SIM2: variants seen among roughly 807,000 people sequenced by gnomAD.
The protein encoded by SIM2 is SIM bHLH transcription factor 2, also known as single-minded homolog 2.
Under a neutral mutation model 64.8 loss-of-function variants are expected in SIM2, and 28 were observed. The observed-to-expected ratio is 0.43, with a 90% CI of 0.32 to 0.59. The LOEUF (loss-of-function observed/expected upper bound fraction) is 0.59. SIM2 is among the 20% of genes least tolerant of loss of function. The pLI is 0.07. For synonymous variants in SIM2, 408 were observed against 391.1 expected, an observed-to-expected ratio of 1.04 and a Z score of -0.51; for missense variants, 847 against 871.4, an observed-to-expected ratio of 0.97 and a Z score of 0.35.
intron 3 of SIM2, among the ~76,000 whole-genome samples, chr21:36,713,986 T>C (rs1179873682): frequency 6.6e-6 from 1 of 152,290 alleles, no homozygotes; most frequent in East Asian, 1.9e-4. Context: ...ATTAGTGTAC[T>C]TGTAGAATGG....
intron 8 of SIM2, 73 bp from the exon 9 acceptor site, chr21:36,743,314 A>G: frequency 7.2e-7 from 1 of 1,390,824 alleles, no homozygotes; most frequent in Non-Finnish European, 9.9e-7. Flanking sequence ...GCCCTGCCCA[A>G]GGGCTGGGGC....
Position 36,699,973 on chromosome 21 carries a change from C to G in SIM2, c.175+52C>G, listed in dbSNP as rs558849249. The G allele has an allele frequency of 6.7e-5, 101 of 1,514,162 alleles. 2 individuals carry two copies. The African/African-American group carries it at 1.2e-3, about 18-fold the overall frequency. The allele number at this position is 1,514,162 out of a possible 1,614,324, so 93.8% of individuals were successfully genotyped here. ...ACGCTGGGGAGCCCGGCGGCCCCGG[C>G]CCAGGCGGGAAGCGCAAGCCAGCCC... On this transcript the variant is annotated intron_variant, in intron 1 of 10. Transcript: ENST00000290399. This position sits in a 1 kb window ranked among gnomAD's most constrained non-coding sequence, Gnocchi z 5.6.
chr21:36,738,100 A>G (rs1263282979), intron 7 of SIM2, among the ~76,000 whole-genome samples: 3 of 151,980 alleles, frequency 2.0e-5, no homozygotes, highest in Non-Finnish European at 2.9e-5. Context: ...ATGGATCCTC[A>G]GTCTGAGCCT....
chr21:36,741,996 T>C, intron 8 of SIM2, 132 bp downstream of exon 8: 2 of 1,062,052 alleles, frequency 1.9e-6, no homozygotes, highest in Non-Finnish European at 2.6e-6. Context: ...TTTTTCTTTT[T>C]TTTAATTTTT....
chr21:36,706,595 G>C (rs974960128), intron 1 of SIM2, among the ~76,000 whole-genome samples: 2 of 152,250 alleles, frequency 1.3e-5, no homozygotes, highest in African/African-American at 4.8e-5. Context: ...TCACTTTACA[G>C]TATCAAGACA....
At chr21:36,732,761 G>T (rs926059876) in intron 7 of SIM2, among the ~76,000 whole-genome samples, 1 of 152,212 alleles carries the variant, frequency 6.6e-6, no homozygotes, top group Non-Finnish European at 1.5e-5. Context: ...GAACTTCTCC[G>T]TCGGTGTCAC....
intron 1 of SIM2, among the ~76,000 whole-genome samples, chr21:36,705,266 G>T (rs1038751284): frequency 2.0e-5 from 3 of 152,348 alleles, no homozygotes; most frequent in Admixed American, 6.5e-5. Context: ...GAGCGGAAGA[G>T]GCAGCCGGTC....
intron 3 of SIM2, among the ~76,000 whole-genome samples, chr21:36,717,963 C>T (rs775999151): frequency 6.6e-6 from 1 of 152,054 alleles, no homozygotes; most frequent in East Asian, 1.9e-4. Flanking sequence ...TTCAGGGAGG[C>T]GAATGTCCGT....
At chr21:36,734,634 G>A (rs2089018696) in intron 7 of SIM2, among the ~76,000 whole-genome samples, 1 of 152,198 alleles carries the variant, frequency 6.6e-6, no homozygotes, top group East Asian at 1.9e-4. Flanking sequence ...CAGATGATGG[G>A]GAGTTCTTTG....
In SIM2 at chr21:36,743,427, G is replaced by T. The variant is rs766822804; in HGVS notation, c.1039G>T (p.Val347Leu). ...GGAACTTCAGCTGTCCCTGGAGCAG[G>T]TGTCCACTGCCAAGTCCCAGGACTC... The part of the protein sequence containing the change: ...YKELQLSLEQ[V>L]STAKSQDSWR... Residue 347 changes from valine (V) to leucine (L), a missense_variant, in exon 9 of 11, where the codon GTG becomes TTG. This residue lies in a region of SIM2 where 447 missense variants were observed against 414.6 expected (regional missense o/e 1.08). Transcript: ENST00000290399. 2 of 1,614,042 alleles carry T rather than the reference G, an allele frequency of 1.2e-6. No homozygotes were observed. Among genetic ancestry groups the T allele is most frequent in the Non-Finnish European group, 1.7e-6 (2 of 1,179,960 alleles).
In SIM2 at chr21:36,704,907, G is replaced by A. The variant is rs1042045254; in HGVS notation, c.176-4261G>A. Among the ~76,000 whole-genome samples the A allele has an allele frequency of 3.3e-5, 5 of 152,348 alleles. No homozygotes were observed. The East Asian group carries it at 5.8e-4, about 18-fold the overall frequency. On this transcript the variant is annotated intron_variant, in intron 1 of 10. Coordinates refer to ENST00000290399, the MANE Select transcript of SIM2 (RefSeq NM_005069.6). ...AAGAAGCGGGCTTTTCAGGGACCCC[G>A]GGGAGAACACGAGGGCTCCGACGCG...
intron 2 of SIM2, among the ~76,000 whole-genome samples, chr21:36,711,190 C>T (rs1418359692): frequency 6.6e-6 from 1 of 152,210 alleles, no homozygotes; most frequent in Non-Finnish European, 1.5e-5. Flanking sequence ...TAATTTTCCT[C>T]TTTTCCTCAT....
chr21:36,726,275 T>G lies in SIM2; in HGVS notation c.700T>G (p.Phe234Val). The G allele has an allele frequency of 6.2e-7, 1 of 1,613,682 alleles. No homozygotes were observed. Among genetic ancestry groups the G allele is most frequent in the Non-Finnish European group, 8.5e-7 (1 of 1,180,012 alleles). Residue 234 changes from phenylalanine (F) to valine (V), a missense_variant, in exon 6 of 11, where the codon TTC (phenylalanine) becomes GTC (valine). Physicochemically the swap from Phe to Val is conservative, Grantham distance 50 (BLOSUM62 -1). Around this residue, in one of 3 missense-constraint regions of SIM2, gnomAD observed 397 missense variants for 439.2 expected, o/e 0.90. Transcript: ENST00000290399. The surrounding 1 kb of genome is among the most constrained non-coding windows in gnomAD (Gnocchi z 4.5). ...EIKLYSNMFM[F>V]RASLDLKLIF... is the part of the protein sequence containing the mutation. ...CAAGCTGTACAGTAACATGTTCATG[T>G]TCAGGGCCAGCCTTGACCTGAAGCT...
intron 2 of SIM2, 23 bp from the exon 3 acceptor site, chr21:36,712,510 T>C (rs1241648831): frequency 6.6e-7 from 1 of 1,518,586 alleles, no homozygotes; most frequent in Admixed American, 1.7e-5. Flanking sequence ...TCATCTCTTA[T>C]TCTGACACTT....
In SIM2 at chr21:36,742,426, A is replaced by G. The variant is rs568130789; in HGVS notation, c.998+562A>G. 4.8e-5 allele frequency among the ~76,000 whole-genome samples: 7 copies of G among 144,354 alleles called. No individual in the cohort carries two copies. The East Asian group carries it at 1.2e-3, about 26-fold the overall frequency. The allele number at this position is 144,354 out of a possible 152,430, so 94.7% of individuals were successfully genotyped here. ...TTTTTTTTTTTGTAAATTAAAAAAA[A>G]ATATGTTTTTGTAGAGACGGGGTTT... On this transcript the variant is annotated intron_variant, in intron 8 of 10. Transcript: ENST00000290399.
chr21:36,699,582 G>A lies in SIM2; in HGVS notation c.-165G>A, dbSNP rs762439228. 1,306 of 595,654 alleles carry A rather than the reference G, an allele frequency of 2.2e-3. 2 individuals carry two copies. Among genetic ancestry groups the A allele is most frequent in the Non-Finnish European group, 3.1e-3 (1,158 of 372,220 alleles). 36.9% of individuals were successfully genotyped at this position (595,654 alleles called of 1,614,324 possible). ...GGAGCTCAGGCCCGGCGGCTGCGGG[G>A]AGGCGTCTCGGAACCCCGGGAGGCC... On this transcript the variant is annotated 5_prime_UTR_variant, in exon 1 of 11. Coordinates refer to ENST00000290399, the MANE Select transcript of SIM2 (RefSeq NM_005069.6). The surrounding 1 kb of genome is among the most constrained non-coding windows in gnomAD (Gnocchi z 5.6).
intron 1 of SIM2, among the ~76,000 whole-genome samples, chr21:36,704,575 G>A (rs1469139728): frequency 6.6e-6 from 1 of 152,346 alleles, no homozygotes; most frequent in Non-Finnish European, 1.5e-5. Flanking sequence ...TCAGCGCGGG[G>A]CTAGAGGAGG....
At position 36,747,886 on chromosome 21, in the gene SIM2, C is replaced by T; in HGVS notation, c.1798C>T (p.Leu600Phe). The stretch of plus-strand genomic sequence containing the variant: ...GCCGGCGCAGCTGCCCTTCGTGCTG[C>T]TCAACTACCACCGCGTGCTGGCCCG... ...GAPAQLPFVL[L>F]NYHRVLARRG... The change falls in exon 11 of 11, where the codon CTC becomes TTC. Residue 600 changes from leucine (L) to phenylalanine (F), a missense_variant. By Grantham distance (22) the Leu-to-Phe change is conservative. Transcript: ENST00000290399. The surrounding 1 kb of genome is among the most constrained non-coding windows in gnomAD (Gnocchi z 4.5). The T allele has an allele frequency of 9.3e-7, 1 of 1,073,488 alleles. No homozygotes were observed. Among genetic ancestry groups the T allele is most frequent in the Non-Finnish European group, 1.1e-6 (1 of 878,558 alleles). The allele number at this position is 1,073,488 out of a possible 1,614,324, so 66.5% of individuals were successfully genotyped here. A position where few individuals can be genotyped will look rare whatever the true frequency, so the allele number is the denominator to read the frequency against.
intron 6 of SIM2, among the ~76,000 whole-genome samples, chr21:36,730,541 G>A (rs2088952607): frequency 6.6e-6 from 1 of 152,152 alleles, no homozygotes; most frequent in Non-Finnish European, 1.5e-5. Context: ...CTCTGGACAG[G>A]GGCAGTGATG....
Sources: gnomAD v4.1 joint callset for allele counts (sites outside exome capture counted in the v4.1 genomes callset) on GRCh38, gnomAD v4.1.1 for gene constraint, gnomAD v4.1.1 regional missense constraint, Gnocchi (gnomAD v3.1) non-coding constraint, MANE v1.5 for transcripts, NCBI Gene and HGNC (gene_info 2026-07-23, HGNC 2026-07-21) for gene names.